ZFR2: variants seen among roughly 807,000 people sequenced by gnomAD.
ZFR2 encodes the protein zinc finger RNA binding protein 2.
Under a neutral mutation model 105.7 loss-of-function variants are expected in ZFR2, and 104 were observed. That is an observed-to-expected ratio of 0.98 (90% CI 0.84 to 1.16). The LOEUF is 1.16. ZFR2 is among the 50% of genes most tolerant of loss of function. The pLI, the probability that ZFR2 is intolerant of heterozygous loss-of-function variation, is 0.00. For synonymous variants in ZFR2, 634 were observed against 597.7 expected (o/e 1.06, Z -0.89); for missense variants, 1,425 against 1,355.5 (o/e 1.05, Z -0.80).
intron 17 of ZFR2, 59 bp downstream of exon 17, chr19:3,808,813 G>C (rs978644680): frequency 1.4e-6 from 2 of 1,393,048 alleles, no homozygotes; most frequent in Admixed American, 2.4e-5. Flanking sequence ...CCATGGCCAC[G>C]GGCCCTGGTC....
intron 1 of ZFR2, among the ~76,000 whole-genome samples, chr19:3,861,405 T>C (rs2038372176): frequency 6.6e-6 from 1 of 151,690 alleles, no homozygotes; most frequent in African/African-American, 2.4e-5. Context: ...GGCAGGTGGA[T>C]CACTTAAGCT....
intron 7 of ZFR2, among the ~76,000 whole-genome samples, chr19:3,824,478 C>T (rs907625732): frequency 1.3e-5 from 2 of 152,168 alleles, no homozygotes; most frequent in African/African-American, 4.8e-5. Flanking sequence ...GTGAGGATTC[C>T]ACCTTCATTT....
chr19:3,825,531 C>A, intron 6 of ZFR2, 124 bp from the exon 7 acceptor site: 1 of 1,251,412 alleles, frequency 8.0e-7, no homozygotes, highest in Non-Finnish European at 1.1e-6. Flanking sequence ...CCCAGGGACC[C>A]CCCTCTCTTC....
At chr19:3,839,676 A>G (rs149269237) in intron 1 of ZFR2, among the ~76,000 whole-genome samples, 2 of 151,696 alleles carry the variant, frequency 1.3e-5, no homozygotes, top group Non-Finnish European at 2.9e-5. Flanking sequence ...TAACAAACAC[A>G]TATCACTGAG....
chr19:3,827,601 T>C lies in ZFR2; in HGVS notation c.905A>G (p.Gln302Arg), dbSNP rs1221374738. 1.9e-6 allele frequency: 3 copies of C among 1,579,536 alleles called. No individual in the cohort carries two copies. Among genetic ancestry groups the C allele is most frequent in the African/African-American group, 1.4e-5 (1 of 74,024 alleles). The change falls in exon 6 of 19, where the codon CAG becomes CGG. Residue 302 changes from glutamine (Q) to arginine (R), a missense_variant. Transcript: ENST00000262961. ...CCCGTTGGGCTGCACGCCTGTCTTCTGGGCCGCCTCCTTCTTTCTGTGCTT... is the reference window on the plus strand; with the variant it reads ...CCCGTTGGGCTGCACGCCTGTCTTCCGGGCCGCCTCCTTCTTTCTGTGCTT... The part of the protein sequence containing the change: ...GQKHRKKEAA[Q>R]KTGVQPNGSP...
intron 1 of ZFR2, among the ~76,000 whole-genome samples, chr19:3,850,117 G>A (rs908297998): frequency 2.6e-5 from 4 of 152,132 alleles, no homozygotes; most frequent in East Asian, 3.9e-4. Flanking sequence ...TAACAGAGAC[G>A]CGGGGGCAGA....
chr19:3,854,359 C>G (rs2038274241), intron 1 of ZFR2, among the ~76,000 whole-genome samples: 3 of 151,636 alleles, frequency 2.0e-5, no homozygotes, highest in African/African-American at 7.3e-5. Context: ...CACCACTGCA[C>G]TCCAGGCTGG....
chr19:3,843,560 C>T (rs946192780), intron 1 of ZFR2, among the ~76,000 whole-genome samples: 1 of 151,472 alleles, frequency 6.6e-6, no homozygotes, highest in South Asian at 2.1e-4. Context: ...TGGCCGGGCG[C>T]GGTGGCTCAC....
intron 1 of ZFR2, among the ~76,000 whole-genome samples, chr19:3,853,022 A>G (rs1467032932): frequency 1.3e-5 from 2 of 152,198 alleles, no homozygotes; most frequent in African/African-American, 2.4e-5. Flanking sequence ...CTCACCTGTA[A>G]TCCCAGCACT....
At chr19:3,861,140 C>T (rs1022098169) in intron 1 of ZFR2, among the ~76,000 whole-genome samples, 1 of 152,228 alleles carries the variant, frequency 6.6e-6, no homozygotes, top group East Asian at 1.9e-4. Context: ...AGAGCCATGC[C>T]GCCTCTCCAC....
chr19:3,826,488 T>C (rs531728551), intron 6 of ZFR2, among the ~76,000 whole-genome samples: 3 of 151,100 alleles, frequency 2.0e-5, no homozygotes, highest in East Asian at 3.9e-4. Flanking sequence ...CAGGCTGGAG[T>C]GCGGTGGCGA....
Position 3,834,861 on chromosome 19 carries a change from C to G in ZFR2, c.176G>C (p.Gly59Ala). Residue 59 changes from glycine (G) to alanine (A), a missense_variant, in exon 2 of 19, where the codon GGA (glycine) becomes GCA (alanine). Physicochemically the swap from Gly to Ala is moderately conservative, Grantham distance 60. Coordinates refer to ENST00000262961, the MANE Select transcript of ZFR2 (RefSeq NM_015174.2). The surrounding 1 kb of genome is among the most constrained non-coding windows in gnomAD (Gnocchi z 5.3). The stretch of plus-strand genomic sequence containing the variant: ...GTCCTGGCCGGAGTGGGGCTGGTAT[C>G]CACCGTACCCTGCCGGGGCAGCTGG... ...FPPAAPAGYGGYQPHSGQDFA... is the reference protein window; with the variant it reads ...FPPAAPAGYGAYQPHSGQDFA... The G allele has an allele frequency of 1.9e-6, 3 of 1,611,754 alleles. No homozygotes were observed. Among genetic ancestry groups the G allele is most frequent in the Non-Finnish European group, 2.5e-6 (3 of 1,179,140 alleles).
Position 3,821,387 on chromosome 19 carries a change from C to A in ZFR2, c.1584G>T (p.Leu528=). ...LEERMRKQRH[L]AEERLEQLRR... The stretch of plus-strand genomic sequence containing the variant: ...GCAGCTGCTCCAGCCGCTCCTCCGC[C>A]AGGTGCCGCTGCTTCCTCATGCGCT... Residue 528 remains leucine (L), a synonymous_variant, in exon 10 of 19, where the codon CTG becomes CTT. Coordinates refer to ENST00000262961, the MANE Select transcript of ZFR2 (RefSeq NM_015174.2). 6.2e-7 allele frequency: 1 copy of A among 1,610,632 alleles called. No individual in the cohort carries two copies. The highest frequency in any genetic ancestry group is 1.1e-5 in the South Asian group (1 of 90,876).
At chr19:3,842,627 CTT>C (rs35716661) in intron 1 of ZFR2, among the ~76,000 whole-genome samples, 6 of 142,046 alleles carry the variant, frequency 4.2e-5, no homozygotes, top group Non-Finnish European at 3.1e-5. Flanking sequence ...TTTCTTTTTT[CTT>C]TTTTTTTTTT....
chr19:3,806,132 G>T lies in ZFR2; in HGVS notation c.2644-7C>A. On this transcript the variant is annotated splice_region_variant and splice_polypyrimidine_tract_variant and intron_variant, in intron 18 of 18. Coordinates refer to ENST00000262961, the MANE Select transcript of ZFR2 (RefSeq NM_015174.2). ...CCAGCATTCGCAGGGCGTGCTGCGG[G>T]GCACACACAGCCTGTCAGGACCCCC... 1 of 1,430,968 alleles carries T rather than the reference G, an allele frequency of 7.0e-7. No individual in the cohort carries two copies. Among genetic ancestry groups the T allele is most frequent in the Non-Finnish European group, 9.1e-7 (1 of 1,093,226 alleles). The allele number at this position is 1,430,968 out of a possible 1,614,324, so 88.6% of individuals were successfully genotyped here.
intron 1 of ZFR2, among the ~76,000 whole-genome samples, chr19:3,840,702 G>GT (rs1039417265): frequency 1.3e-5 from 2 of 151,722 alleles, no homozygotes; most frequent in Admixed American, 1.3e-4. Context: ...GGCTAATTTT[G>GT]TTTTTTTGGG....
chr19:3,819,854 A>AAAGAAAAAAAAAAAG (rs2037870079), intron 11 of ZFR2, among the ~76,000 whole-genome samples: 1 of 150,766 alleles, frequency 6.6e-6, no homozygotes, highest in Non-Finnish European at 1.5e-5. Flanking sequence ...CTCTGTCTCA[A>AAAGAAAAAAAAAAAG]AAAAAAATAG....
At chr19:3,845,999 C>T (rs982043851) in intron 1 of ZFR2, among the ~76,000 whole-genome samples, 6 of 152,116 alleles carry the variant, frequency 3.9e-5, no homozygotes, top group Non-Finnish European at 7.4e-5. Context: ...TTTTCTGAAA[C>T]GGAGTCTTGC....
chr19:3,809,985 C>G (rs567156843), intron 16 of ZFR2, among the ~76,000 whole-genome samples: 1 of 152,110 alleles, frequency 6.6e-6, no homozygotes, highest in South Asian at 2.1e-4. Context: ...GAGACTTAAT[C>G]TCTACCAAAC....
Sources: gnomAD v4.1 joint callset for allele counts (sites outside exome capture counted in the v4.1 genomes callset) on GRCh38, gnomAD v4.1.1 for gene constraint, Gnocchi (gnomAD v3.1) non-coding constraint, MANE v1.5 for transcripts, NCBI Gene and HGNC (gene_info 2026-07-23, HGNC 2026-07-21) for gene names.